The following SH3D19 variants were observed in gnomAD, a reference collection of about 807,000 sequenced individuals.
The protein encoded by SH3D19 is SH3 domain containing 19, also known as SH3 domain-containing protein 19.
In SH3D19, 58 loss-of-function variants were observed where a neutral mutation model predicts 112.1. That is an observed-to-expected ratio of 0.52 (90% CI 0.42 to 0.64). SH3D19 has a LOEUF of 0.64. Among genes scored for constraint, SH3D19 ranks in the 30% least tolerant of loss-of-function variants. The pLI is 0.00. For missense variants in SH3D19, 1,090 were observed against 1,263.4 expected (o/e 0.86, Z 2.08); for synonymous variants, 391 against 448.5 (o/e 0.87, Z 1.62).
At chr4:151,161,280 T>C (rs1010579661) in intron 8 of SH3D19, among the ~76,000 whole-genome samples, 4 of 152,076 alleles carry the variant, frequency 2.6e-5, no homozygotes, top group African/African-American at 9.7e-5. Context: ...AGCTGACAGG[T>C]TCAAATAAGA....
intron 9 of SH3D19, among the ~76,000 whole-genome samples, chr4:151,156,343 C>T (rs1055676720): frequency 6.6e-6 from 1 of 152,058 alleles, no homozygotes; most frequent in Non-Finnish European, 1.5e-5. Flanking sequence ...TGTACGGAAC[C>T]GCAAAAGGCC....
chr4:151,158,731 AAAAT>A (rs1332872526), intron 9 of SH3D19, among the ~76,000 whole-genome samples: 1 of 151,996 alleles, frequency 6.6e-6, no homozygotes, highest in African/African-American at 2.4e-5. Context: ...GTTGAAATGA[AAAAT>A]ATATATATGT....
chr4:151,231,569 A>G (rs1366449749), intron 1 of SH3D19, among the ~76,000 whole-genome samples: 2 of 152,172 alleles, frequency 1.3e-5, no homozygotes, highest in Non-Finnish European at 2.9e-5. Flanking sequence ...CCTTTTCAAT[A>G]AATATATATT....
At chr4:151,157,105 A>G (rs1447928608) in intron 9 of SH3D19, among the ~76,000 whole-genome samples, 1 of 152,148 alleles carries the variant, frequency 6.6e-6, no homozygotes, top group East Asian at 1.9e-4. Context: ...ACAAAAAATT[A>G]GCTGAGTGTG....
In SH3D19 at chr4:151,174,916, A is replaced by G; in HGVS notation, c.1288T>C (p.Ser430Pro). Residue 430 changes from serine to proline, a missense_variant, in exon 7 of 20, where the codon TCC becomes CCC. Physicochemically the swap from Ser to Pro is moderately conservative, Grantham distance 74. Transcript: ENST00000604030. The part of the protein sequence containing the change: ...PRPLLLKKSV[S>P]SENPTYPSAP... ...GAAGGGTAGGTGGGGTTTTCTGAGGAAACAGATTTCTTCAGCAGCAAAGGC... is the reference window on the plus strand; with the variant it reads ...GAAGGGTAGGTGGGGTTTTCTGAGGGAACAGATTTCTTCAGCAGCAAAGGC... 1 of 1,613,590 alleles carries G rather than the reference A, an allele frequency of 6.2e-7. No homozygotes were observed. Among genetic ancestry groups the G allele is most frequent in the East Asian group, 2.2e-5 (1 of 44,862 alleles).
rs937141195 is a variant in SH3D19 at position 151,254,419 on chromosome 4, T to C, written c.113-28333A>G. On this transcript the variant is annotated intron_variant, in intron 1 of 19. Transcript: ENST00000604030. The stretch of plus-strand genomic sequence containing the variant: ...CAATAGTGGAGGGAAGGTCAGCAGA[T>C]AAACAAGTGAACAAAGGTCTCTGGT... Among the ~76,000 whole-genome samples the C allele has an allele frequency of 2.0e-5, 3 of 149,974 alleles. No homozygotes were observed. The South Asian group carries it at 6.3e-4, about 32-fold the overall frequency.
At chr4:151,208,146 G>A (rs1368288037) in intron 2 of SH3D19, among the ~76,000 whole-genome samples, 1 of 152,146 alleles carries the variant, frequency 6.6e-6, no homozygotes, top group Non-Finnish European at 1.5e-5. Flanking sequence ...TATAGTATGG[G>A]AGATTATTCT....
At chr4:151,129,841 G>A (rs531829324) in intron 17 of SH3D19, among the ~76,000 whole-genome samples, 3 of 152,290 alleles carry the variant, frequency 2.0e-5, no homozygotes, top group Non-Finnish European at 4.4e-5. Flanking sequence ...CCAGTGCCTG[G>A]CACATCTTAA....
At chr4:151,225,559 T>C (rs1031269040) in intron 2 of SH3D19, among the ~76,000 whole-genome samples, 14 of 152,214 alleles carry the variant, frequency 9.2e-5, no homozygotes, top group African/African-American at 3.1e-4. Flanking sequence ...TCTAAAAGTC[T>C]AGAAAGAAAT....
chr4:151,301,309 C>A (rs973502993), intron 1 of SH3D19, among the ~76,000 whole-genome samples: 1 of 152,232 alleles, frequency 6.6e-6, no homozygotes, highest in Non-Finnish European at 1.5e-5. Flanking sequence ...CTCACCACAA[C>A]CTCCACCTCC....
chr4:151,186,794 ATT>A (rs1225256937), intron 3 of SH3D19, among the ~76,000 whole-genome samples: 12 of 125,786 alleles, frequency 9.5e-5, no homozygotes, highest in Admixed American at 2.5e-4. Flanking sequence ...TGGTTACATA[ATT>A]TTTTTTTTTT....
rs1168941114 is a variant in SH3D19 at position 151,175,112 on chromosome 4, G to A, written c.1092C>T (p.Leu364=). Residue 364 remains leucine, a synonymous_variant, in exon 7 of 20, where the codon CTC becomes CTT. Transcript: ENST00000604030. The part of the protein sequence containing the change: ...NRLKVTSKEG[L]TPYPPLQEAG... ...CTTCTTGCAGGGGAGGGTATGGGGTGAGTCCTTCCTTGGAGGTCACCTTGA... is the reference window on the plus strand; with the variant it reads ...CTTCTTGCAGGGGAGGGTATGGGGTAAGTCCTTCCTTGGAGGTCACCTTGA... 2 of 1,614,144 alleles carry A rather than the reference G, an allele frequency of 1.2e-6. No homozygotes were observed. The highest frequency in any genetic ancestry group is 1.1e-5 in the South Asian group (1 of 91,078).
intron 2 of SH3D19, among the ~76,000 whole-genome samples, chr4:151,190,494 C>T (rs903257917): frequency 6.6e-6 from 1 of 152,198 alleles, no homozygotes. Context: ...GGTCCCTCTG[C>T]TGTGTGCACT....
chr4:151,253,124 G>A (rs1246859881), intron 1 of SH3D19, among the ~76,000 whole-genome samples: 4 of 152,162 alleles, frequency 2.6e-5, no homozygotes, highest in African/African-American at 9.7e-5. Flanking sequence ...AATAAAAACC[G>A]AAGTCCTCAC....
intron 2 of SH3D19, among the ~76,000 whole-genome samples, chr4:151,208,681 CT>C (rs35001186): frequency 0.82 from 114,467 of 139,808 alleles, 48,338 homozygotes; most frequent in Non-Finnish European, 0.94. Context: ...CAGGAAATCT[CT>C]TTTTTTTTTT....
chr4:151,317,328 A>T (rs540883142), intron 1 of SH3D19, among the ~76,000 whole-genome samples: 26 of 152,352 alleles, frequency 1.7e-4, no homozygotes, highest in African/African-American at 6.3e-4. Context: ...CAATTAATAC[A>T]CCAAAAGCTA....
chr4:151,248,438 C>G (rs551251214), intron 1 of SH3D19, among the ~76,000 whole-genome samples: 1 of 152,168 alleles, frequency 6.6e-6, no homozygotes, highest in East Asian at 1.9e-4. Flanking sequence ...AGAGATTTCT[C>G]TAATTAGGAA....
chr4:151,290,063 A>T (rs560679242), intron 1 of SH3D19, among the ~76,000 whole-genome samples: 13 of 152,212 alleles, frequency 8.5e-5, no homozygotes, highest in Non-Finnish European at 1.9e-4. Flanking sequence ...CTTCTGCCTC[A>T]GCTTCCCGAG....
chr4:151,170,136 T>A (rs934015507), intron 7 of SH3D19, among the ~76,000 whole-genome samples: 2 of 152,230 alleles, frequency 1.3e-5, no homozygotes, highest in Non-Finnish European at 2.9e-5. Flanking sequence ...AAGCTTTGGT[T>A]TGGCATGCCC....
Sources: allele counts gnomAD v4.1 joint callset (sites outside exome capture counted in the v4.1 genomes callset), GRCh38; gene constraint gnomAD v4.1.1; transcripts MANE v1.5; gene names NCBI Gene and HGNC (gene_info 2026-07-23, HGNC 2026-07-21).